PCSK4: variants seen among roughly 807,000 people sequenced by gnomAD.
PCSK4 encodes testicular tissue protein Li 135.
A neutral mutation model predicts 80.3 loss-of-function variants in PCSK4; 64 were observed. The observed-to-expected ratio is 0.80, with a 90% confidence interval of 0.65 to 0.98. PCSK4 has a LOEUF of 0.98. PCSK4 is among the 50% of genes least tolerant of loss of function. The pLI, the probability that PCSK4 is intolerant of heterozygous loss-of-function variation, is 0.00. For missense variants in PCSK4, 1,213 were observed against 1,093.6 expected, an observed-to-expected ratio of 1.11 and a Z score of -1.54; for synonymous variants, 561 against 487.6, an observed-to-expected ratio of 1.15 and a Z score of -1.98.
exon 15 of PCSK4, chr19:1,481,455 A>C: frequency 3.4e-6 from 1 of 294,284 alleles, no homozygotes; most frequent in Admixed American, 4.7e-5. Flanking sequence ...TTATTTGCAA[A>C]CTCTGAGGTT....
chr19:1,483,104 G>T, intron 12 of PCSK4, 84 bp from the exon 13 acceptor site: 1 of 1,336,108 alleles, frequency 7.5e-7, no homozygotes, highest in South Asian at 1.5e-5. Context: ...GTGTCTGACC[G>T]CACGCGCTGG....
In PCSK4 at chr19:1,483,637, G is replaced by C. The variant is rs747410433; in HGVS notation, c.1391+13C>G. On this transcript the variant is annotated intron_variant, in intron 11 of 14. Coordinates refer to ENST00000300954, the Ensembl canonical transcript of PCSK4. ...CCCAGCGGGGATAGCGGAGGGGCGC[G>C]CAGGGGTCTCACGTGGGGCGGCTCT... 12 of 1,565,636 alleles carry C rather than the reference G, an allele frequency of 7.7e-6. No individual in the cohort carries two copies. In the South Asian group the frequency reaches 1.1e-4, roughly 15 times the overall value.
chr19:1,487,995 T>C, exon 4 of PCSK4: 1 of 1,613,262 alleles, frequency 6.2e-7, no homozygotes, highest in Non-Finnish European at 8.5e-7. Context: ...GTGGTCCTTC[T>C]CGATGCCATC....
At chr19:1,490,527 G>C (rs570444502), upstream of PCSK4, 52 of 507,836 alleles carry the variant, frequency 1.0e-4, 1 homozygote, top group South Asian at 1.4e-3. Context: ...GGAGAGGGAC[G>C]CACGCCTGCC....
At chr19:1,490,502 G>A (rs1220550753), upstream of PCSK4, 2 of 519,666 alleles carry the variant, frequency 3.8e-6, no homozygotes, top group Non-Finnish European at 6.7e-6. Flanking sequence ...GGGGCGCGAA[G>A]ATCTAACAGA....
chr19:1,487,330 G>T lies in PCSK4; in HGVS notation c.683-17C>A, dbSNP rs2145407894. On this transcript the variant is annotated splice_polypyrimidine_tract_variant and intron_variant, in intron 6 of 14. Coordinates refer to ENST00000300954, the Ensembl canonical transcript of PCSK4. ...TCCGTACGCCTGCAGAGCCAGGGCG[G>T]GAGGGCCGCTGCCACCGGCCCTGCC... 6.4e-7 allele frequency: 1 copy of T among 1,568,056 alleles called. No individual in the cohort carries two copies. The highest frequency in any genetic ancestry group is 8.6e-7 in the Non-Finnish European group (1 of 1,160,116).
At chr19:1,482,809 A>T in intron 13 of PCSK4, 87 bp downstream of exon 13, 1 of 1,424,138 alleles carries the variant, frequency 7.0e-7, no homozygotes, top group Admixed American at 1.7e-5. Flanking sequence ...CCCCTTTTGC[A>T]GTGCGGTCAC....
Position 1,486,442 on chromosome 19 carries a change from G to A in PCSK4, c.1068+411C>T, listed in dbSNP as rs1224713921. 5.3e-5 allele frequency among the ~76,000 whole-genome samples: 8 copies of A among 151,944 alleles called. No homozygotes were observed. The East Asian group carries it at 5.8e-4, about 11-fold the overall frequency. Reference sequence around the variant, plus strand: ...CTCCCGAGTAGCTGGGACTACAGGCGCCCACCACCACGCCCGGCTAATTTT... The same window carrying A: ...CTCCCGAGTAGCTGGGACTACAGGCACCCACCACCACGCCCGGCTAATTTT... On this transcript the variant is annotated intron_variant, in intron 8 of 14. Transcript: ENST00000300954.
chr19:1,485,063 G>A (rs909802709), intron 8 of PCSK4, among the ~76,000 whole-genome samples: 7 of 151,796 alleles, frequency 4.6e-5, no homozygotes, highest in Non-Finnish European at 1.0e-4. Flanking sequence ...CAGGAGGATC[G>A]CTTGAGCCTG....
In PCSK4 at chr19:1,487,597, G is replaced by A. The variant is rs769075153; in HGVS notation, c.682+6C>T. On this transcript the variant is annotated splice_donor_region_variant and intron_variant, in intron 6 of 14. Transcript: ENST00000300954. ...CGGAATGGTGCCGCTGGGGGACCCC[G>A]GGTACCTCCGATTCGGGCGTTGAAA... 6 of 1,548,520 alleles carry A rather than the reference G, an allele frequency of 3.9e-6. No homozygotes were observed. The highest frequency in any genetic ancestry group is 3.9e-5 in the Admixed American group (2 of 50,982).
upstream of PCSK4, chr19:1,490,417 T>C (rs2145459396): frequency 1.6e-6 from 1 of 616,232 alleles, no homozygotes; most frequent in Non-Finnish European, 2.7e-6. Flanking sequence ...GGCCCAGGCG[T>C]CCGACCCGCC....
chr19:1,485,795 C>T (rs955054791), intron 8 of PCSK4, among the ~76,000 whole-genome samples: 4 of 151,734 alleles, frequency 2.6e-5, no homozygotes, highest in African/African-American at 4.8e-5. Context: ...GGTGTGAACC[C>T]GGGAGGCGGA....
At chr19:1,490,378 T>G (rs791469) in exon 1 of PCSK4, 370,232 of 848,084 alleles carry the variant, frequency 0.44, 85,383 homozygotes, top group African/African-American at 0.81. Context: ...CCTGCGCAAA[T>G]CCCCTCCCTC....
At chr19:1,483,717 T>C (rs1446421109) in exon 11 of PCSK4, 2 of 1,595,452 alleles carry the variant, frequency 1.3e-6, no homozygotes, top group Non-Finnish European at 1.7e-6. Flanking sequence ...GTGCGGGCGG[T>C]GTCCACCAGC....
At chr19:1,481,656 G>T in exon 15 of PCSK4, 1 of 740,196 alleles carries the variant, frequency 1.4e-6, no homozygotes, top group Non-Finnish European at 2.1e-6. Flanking sequence ...CAGGCGTCGG[G>T]TGCTGGTGCT....
chr19:1,489,585 C>T, intron 2 of PCSK4: 1 of 859,168 alleles, frequency 1.2e-6, no homozygotes, highest in Non-Finnish European at 1.7e-6. Context: ...GAGGTGCCCA[C>T]TGTGTACCAG....
chr19:1,483,255 C>T (rs1211686461), intron 12 of PCSK4, 29 bp downstream of exon 12: 1 of 1,521,852 alleles, frequency 6.6e-7, no homozygotes. Flanking sequence ...GGGCATGAGG[C>T]CGCCCCCTCT....
At chr19:1,482,398 T>C in exon 14 of PCSK4, 1 of 1,595,394 alleles carries the variant, frequency 6.3e-7, no homozygotes, top group East Asian at 2.3e-5. Context: ...GCGCTGCTGG[T>C]CACCTGGGGG....
exon 15 of PCSK4, chr19:1,481,979 C>A: frequency 1.9e-6 from 3 of 1,595,880 alleles, no homozygotes; most frequent in Non-Finnish European, 2.6e-6. Context: ...GGGTCCCATG[C>A]AGGAGCCCTG....
Sources: gnomAD v4.1 joint callset for allele counts (sites outside exome capture counted in the v4.1 genomes callset) on GRCh38, gnomAD v4.1.1 for gene constraint, MANE v1.5 for transcripts, NCBI Gene and HGNC (gene_info 2026-07-23, HGNC 2026-07-21) for gene names.